The following TTLL11 variants were observed in gnomAD, a reference collection of about 807,000 sequenced individuals.
The protein encoded by TTLL11 is tubulin polyglutamylase TTLL11.
In TTLL11, 42 loss-of-function variants were observed where a neutral mutation model predicts 51.7. That is an observed-to-expected ratio of 0.81 (90% CI 0.64 to 1.05). TTLL11 has a LOEUF of 1.05. Ranked by LOEUF, TTLL11 falls within the 50% of genes least tolerant of loss-of-function variation. TTLL11 has a pLI of 0.00. For synonymous variants in TTLL11, 381 were observed against 383.5 expected (o/e 0.99, Z 0.08); for missense variants, 799 against 940.4 (o/e 0.85, Z 1.97).
intron 6 of TTLL11, among the ~76,000 whole-genome samples, chr9:121,964,451 C>T (rs1032017810): frequency 1.3e-5 from 2 of 152,062 alleles, no homozygotes; most frequent in Non-Finnish European, 2.9e-5. Context: ...GGATGTGCCA[C>T]CATGCCTGGC....
intron 7 of TTLL11, 47 bp downstream of exon 7, chr9:121,870,450 C>G (rs749964936): frequency 1.3e-6 from 2 of 1,526,050 alleles, no homozygotes; most frequent in Admixed American, 4.1e-5. Context: ...TGAGACTGGA[C>G]TCCACCCAGC....
intron 1 of TTLL11, among the ~76,000 whole-genome samples, chr9:122,080,329 C>T (rs993287277): frequency 3.3e-5 from 5 of 152,120 alleles, no homozygotes; most frequent in Non-Finnish European, 7.4e-5. Context: ...TTCCAAAAGC[C>T]TTAAAATGTA....
At chr9:121,874,915 T>C (rs1838512328) in intron 6 of TTLL11, among the ~76,000 whole-genome samples, 1 of 151,714 alleles carries the variant, frequency 6.6e-6, no homozygotes, top group South Asian at 2.1e-4. Flanking sequence ...TGCCACTATG[T>C]CTGGCTAATT....
intron 6 of TTLL11, among the ~76,000 whole-genome samples, chr9:121,929,401 T>C (rs1366937907): frequency 2.7e-5 from 4 of 150,894 alleles, no homozygotes; most frequent in African/African-American, 7.3e-5. Context: ...GATCACACCA[T>C]AGCACTCCAG....
At position 121,831,096 on chromosome 9, in the gene TTLL11, T is replaced by G. The variant is rs564863771; in HGVS notation, c.1841-8217A>C. 5.3e-5 allele frequency among the ~76,000 whole-genome samples: 8 copies of G among 152,190 alleles called. No homozygotes were observed. In the East Asian group the frequency reaches 1.2e-3, roughly 22 times the overall value. The stretch of plus-strand genomic sequence containing the variant: ...AGGTTTGCCCATGGTTGGATGTGGG[T>G]GTGAAGGCAAGCCAGCAATCTTATG... On this transcript the variant is annotated intron_variant, in intron 8 of 8. Coordinates refer to ENST00000321582, the MANE Select transcript of TTLL11 (RefSeq NM_001139442.2).
In TTLL11 at chr9:121,893,196, TA is replaced by T. The variant is rs542734004; in HGVS notation, c.1482-22449del. Among the ~76,000 whole-genome samples the T allele has an allele frequency of 3.0e-3, 451 of 152,058 alleles. 1 individual carries two copies. Among genetic ancestry groups the T allele is most frequent in the Non-Finnish European group, 5.3e-3 (358 of 67,970 alleles). Reference sequence around the variant, plus strand: ...ATTATAAAGTCAATATATGTTCATGTAAAAAAAATAGTTAAATATACCAAAA... The same window carrying T: ...ATTATAAAGTCAATATATGTTCATGTAAAAAAATAGTTAAATATACCAAAA... On this transcript the variant is annotated intron_variant, in intron 6 of 8. Coordinates refer to ENST00000321582, the MANE Select transcript of TTLL11 (RefSeq NM_001139442.2).
chr9:121,927,372 G>A (rs529480045), intron 6 of TTLL11, among the ~76,000 whole-genome samples: 22 of 152,148 alleles, frequency 1.4e-4, no homozygotes, highest in Admixed American at 9.2e-4. Context: ...CAGTTCCTCC[G>A]GGAATTTGAT....
At chr9:122,014,472 T>TCCACCTTC (rs898621118) in intron 3 of TTLL11, among the ~76,000 whole-genome samples, 1 of 152,230 alleles carries the variant, frequency 6.6e-6, no homozygotes, top group African/African-American at 2.4e-5. Flanking sequence ...TCCTGACTTC[T>TCCACCTTC]CCACCTTCCC....
chr9:121,905,702 T>C lies in TTLL11; in HGVS notation c.1482-34954A>G, dbSNP rs548018928. ...TTTGCCATATCACCAAGTTTACCTA[T>C]AGACATCATCTTTAATGACAGAATG... is the stretch of plus-strand genomic sequence containing the variant. On this transcript the variant is annotated intron_variant, in intron 6 of 8. Transcript: ENST00000321582. Among the ~76,000 whole-genome samples the C allele has an allele frequency of 2.6e-5, 4 of 152,310 alleles. No homozygotes were observed. The East Asian group carries it at 7.7e-4, about 29-fold the overall frequency.
At chr9:122,020,798 G>C (rs542608065) in intron 3 of TTLL11, among the ~76,000 whole-genome samples, 1 of 152,186 alleles carries the variant, frequency 6.6e-6, no homozygotes, top group Non-Finnish European at 1.5e-5. Flanking sequence ...ACAATGAGAA[G>C]GTGACCAGCT....
intron 8 of TTLL11, among the ~76,000 whole-genome samples, chr9:121,826,183 C>CA (rs1564259884): frequency 9.5e-3 from 37 of 3,914 alleles, no homozygotes; most frequent in East Asian, 0.047. Context: ...TAACCAGTAA[C>CA]CTATATATAT....
intron 8 of TTLL11, among the ~76,000 whole-genome samples, chr9:121,855,695 G>A (rs779610985): frequency 5.3e-5 from 8 of 152,182 alleles, no homozygotes; most frequent in Non-Finnish European, 7.4e-5. Context: ...TCTGAGCCAC[G>A]GTTCTCACAC....
intron 4 of TTLL11, among the ~76,000 whole-genome samples, chr9:121,980,649 C>T (rs1282175784): frequency 6.6e-6 from 1 of 152,222 alleles, no homozygotes; most frequent in Non-Finnish European, 1.5e-5. Context: ...ACCCAACCAT[C>T]CCATTACTGG....
Position 122,039,886 on chromosome 9 carries a change from T to TCA in TTLL11, c.463-520_463-519dup, listed in dbSNP as rs1003923196. On this transcript the variant is annotated intron_variant, in intron 1 of 8. Coordinates refer to ENST00000321582, the MANE Select transcript of TTLL11 (RefSeq NM_001139442.2). ...ATCTCTCTCTCTCTCTCTCTCTCTC[T>TCA]CACACACACACACACACATACACAC... Among the ~76,000 whole-genome samples, 1,338 of 147,832 alleles carry TCA rather than the reference T, an allele frequency of 9.1e-3. 12 individuals carry two copies. Among genetic ancestry groups the TCA allele is most frequent in the African/African-American group, 0.012 (476 of 39,750 alleles).
At chr9:121,851,554 C>T (rs1837663888) in intron 8 of TTLL11, among the ~76,000 whole-genome samples, 1 of 152,180 alleles carries the variant, frequency 6.6e-6, no homozygotes, top group African/African-American at 2.4e-5. Flanking sequence ...ATAAATGTAG[C>T]TGGTGTTGGC....
At chr9:121,977,878 T>G (rs1842749469) in intron 4 of TTLL11, among the ~76,000 whole-genome samples, 1 of 152,122 alleles carries the variant, frequency 6.6e-6, no homozygotes, top group African/African-American at 2.4e-5. Flanking sequence ...TTTCACCATC[T>G]TGGCCAGGCT....
chr9:121,989,236 A>G lies in TTLL11; in HGVS notation c.1228T>C (p.Ser410Pro). ...LTPELKVFYQ[S>P]DIPTGRPGPT... ...CCCGGCCTCCCCGTGGGGATGTCTG[A>G]CTGGTAGAAGACTTTGAGCTCTGGA... Residue 410 changes from serine to proline, a missense_variant, in exon 4 of 9, where the codon TCA becomes CCA. Physicochemically the swap from Ser to Pro is moderately conservative, Grantham distance 74. Coordinates refer to ENST00000321582, the MANE Select transcript of TTLL11 (RefSeq NM_001139442.2). This position sits in a 1 kb window ranked among gnomAD's most constrained non-coding sequence, Gnocchi z 4.2. The G allele has an allele frequency of 6.2e-7, 1 of 1,614,118 alleles. No individual in the cohort carries two copies. The highest frequency in any genetic ancestry group is 2.2e-5 in the East Asian group (1 of 44,876).
At chr9:122,074,737 CAA>C (rs11427901) in intron 1 of TTLL11, among the ~76,000 whole-genome samples, 5 of 126,724 alleles carry the variant, frequency 3.9e-5, no homozygotes, top group Non-Finnish European at 3.5e-5. Flanking sequence ...TTCGTCTCTA[CAA>C]AAAAAAAAAA....
At chr9:121,865,852 T>A (rs1158119680) in intron 7 of TTLL11, among the ~76,000 whole-genome samples, 1 of 152,236 alleles carries the variant, frequency 6.6e-6, no homozygotes, top group Non-Finnish European at 1.5e-5. Context: ...AACAGTTCAT[T>A]ATTTCTTATT....
Sources: gnomAD v4.1 joint callset for allele counts (sites outside exome capture counted in the v4.1 genomes callset) on GRCh38, gnomAD v4.1.1 for gene constraint, Gnocchi (gnomAD v3.1) non-coding constraint, MANE v1.5 for transcripts, NCBI Gene and HGNC (gene_info 2026-07-23, HGNC 2026-07-21) for gene names.